FAT2: variants seen among roughly 807,000 people sequenced by gnomAD.
FAT2 encodes protocadherin Fat 2.
A neutral mutation model predicts 295.3 loss-of-function variants in FAT2; 150 were observed. The ratio of observed to expected loss-of-function variants is 0.51; its 90% CI spans 0.44 to 0.58. The LOEUF is 0.58. FAT2 is among the 20% of genes least tolerant of loss of function. FAT2 has a pLI of 0.00. For synonymous variants in FAT2, 2,026 were observed against 2,150.3 expected, an observed-to-expected ratio of 0.94 and a Z score of 1.60; for missense variants, 4,868 against 5,442.7, an observed-to-expected ratio of 0.89 and a Z score of 3.32.
In FAT2 at chr5:151,544,473, A is replaced by G. The variant is rs767637961; in HGVS notation, c.6654T>C (p.Thr2218=). ...VEEEPLMLFT[T]DFKTGVLTVT... ...CTGTTAGGACACCAGTCTTGAAGTC[A>G]GTGGTGAACAGCATCAAGGGTTCTT... The change falls in exon 10 of 24, where the codon ACT becomes ACC. Residue 2218 remains threonine (T), a synonymous_variant. Transcript: ENST00000261800. 42 of 1,614,150 alleles carry G rather than the reference A, an allele frequency of 2.6e-5. No individual in the cohort carries two copies. The highest frequency in any genetic ancestry group is 3.4e-5 in the Non-Finnish European group (40 of 1,180,030).
In FAT2 at chr5:151,521,464, A is replaced by G; in HGVS notation, c.11129T>C (p.Met3710Thr). 6.2e-7 allele frequency: 1 copy of G among 1,614,190 alleles called. No individual in the cohort carries two copies. The highest frequency in any genetic ancestry group is 8.5e-7 in the Non-Finnish European group (1 of 1,180,030). The change falls in exon 19 of 24, where the codon ATG becomes ACG. Residue 3710 changes from methionine to threonine, a missense_variant. Coordinates refer to ENST00000261800, the MANE Select transcript of FAT2 (RefSeq NM_001447.3). ...ASIITHSAKEMEHSVGVQMRS... is the reference protein window; with the variant it reads ...ASIITHSAKETEHSVGVQMRS... The stretch of plus-strand genomic sequence containing the variant: ...CATCTGAACCCCCACTGAATGCTCC[A>G]TCTCCTTGGCTGAGTGAGTGATGAT...
At chr5:151,521,250 G>C (rs74767229) in intron 19 of FAT2, 26 bp downstream of exon 19, 5 of 1,569,804 alleles carry the variant, frequency 3.2e-6, no homozygotes, top group Admixed American at 1.7e-5. Context: ...AGTGCTGCTC[G>C]TCCCTAGGGA....
upstream of FAT2, among the ~76,000 whole-genome samples, chr5:151,594,652 G>A (rs1001832725): frequency 1.3e-5 from 2 of 152,172 alleles, no homozygotes; most frequent in Non-Finnish European, 1.5e-5. Flanking sequence ...TTTGCCTGGG[G>A]AAAGCTGTCT....
In FAT2 at chr5:151,570,498, C is replaced by T. The variant is rs139703568; in HGVS notation, c.-20-1547G>A. ...TTGAACTGATCATGAATAAATGCTT[C>T]GCCTCTCTTAGACCCTTGCTGTTTC... On this transcript the variant is annotated intron_variant, in intron 1 of 23. Coordinates refer to ENST00000261800, the MANE Select transcript of FAT2 (RefSeq NM_001447.3). Among the ~76,000 whole-genome samples the T allele has an allele frequency of 3.9e-5, 6 of 152,338 alleles. No individual in the cohort carries two copies. The South Asian group carries it at 6.2e-4, about 16-fold the overall frequency.
chr5:151,528,945 T>A (rs1754304801), intron 15 of FAT2, among the ~76,000 whole-genome samples: 1 of 152,142 alleles, frequency 6.6e-6, no homozygotes, highest in South Asian at 2.1e-4. Context: ...CCCCATTCCA[T>A]TGTCTCTGAT....
rs1757376432 is a variant in FAT2, at chr5:151,553,200, C to T, written c.4133G>A (p.Gly1378Glu). The T allele has an allele frequency of 6.2e-7, 1 of 1,614,124 alleles. No homozygotes were observed. The highest frequency in any genetic ancestry group is 8.5e-7 in the Non-Finnish European group (1 of 1,180,048). Residue 1378 changes from glycine (G) to glutamate (E), a missense_variant, in exon 6 of 24, where the codon GGA (glycine) becomes GAA (glutamate). By Grantham distance (98) the Gly-to-Glu change is moderately conservative. Around this residue, in one of 5 missense-constraint regions of FAT2, gnomAD observed 3,297 missense variants for 3,669.4 expected, o/e 0.90. Transcript: ENST00000261800. ...ACCTGAGATGTTGAACCAGAAGAGT[C>T]CGGGTCTGCCCTCTACGCTGATGAC... Reference protein sequence around the residue: ...VGVISVEGRPGLFWFNISGGD... With the variant: ...VGVISVEGRPELFWFNISGGD...
intron 6 of FAT2, 90 bp from the exon 7 acceptor site, chr5:151,551,696 C>A: frequency 7.1e-7 from 1 of 1,406,932 alleles, no homozygotes. Context: ...GCTCAGAGGA[C>A]ACGGTGGTAA....
At chr5:151,546,896 T>G (rs1358152287) in intron 9 of FAT2, among the ~76,000 whole-genome samples, 1 of 152,098 alleles carries the variant, frequency 6.6e-6, no homozygotes, top group Non-Finnish European at 1.5e-5. Flanking sequence ...AATATAATTT[T>G]TAATAGCTTT....
rs142310498 is a variant in FAT2 at position 151,522,084 on chromosome 5, C to T, written c.10509G>A (p.Ala3503=). The T allele has an allele frequency of 5.7e-4, 901 of 1,578,820 alleles. 3 individuals are homozygous for T. The African/African-American group carries it at 9.6e-3, about 17-fold the overall frequency. ...AQEWYQLQIQ[A]SDSGIPPLSS... ...AGAGGGGAGGGATGCCACTGTCTGA[C>T]GCCTGTGGGCAAAACAAACACTGCT... is the stretch of plus-strand genomic sequence containing the variant. The change falls in exon 19 of 24, where the codon GCG becomes GCA. Residue 3503 remains alanine (A), a splice_region_variant and synonymous_variant. Coordinates refer to ENST00000261800, the MANE Select transcript of FAT2 (RefSeq NM_001447.3).
In FAT2 at chr5:151,527,391, T is replaced by G. The variant is rs1193127291; in HGVS notation, c.10165-14A>C. ...ATAACTAGAGGCCTATTGCAAAATG[T>G]CCAGTGGAGGTTAGCAATGAGGTAG... On this transcript the variant is annotated splice_polypyrimidine_tract_variant and intron_variant, in intron 16 of 23. Transcript: ENST00000261800. 6.3e-6 allele frequency: 10 copies of G among 1,586,358 alleles called. No homozygotes were observed. Among genetic ancestry groups the G allele is most frequent in the Middle Eastern group, 3.4e-4 (2 of 5,902 alleles).
chr5:151,512,745 G>T lies in FAT2; in HGVS notation c.11464-139C>A. The T allele has an allele frequency of 1.3e-6, 1 of 758,900 alleles. No individual in the cohort carries two copies. Among genetic ancestry groups the T allele is most frequent in the Non-Finnish European group, 2.1e-6 (1 of 470,912 alleles). 47.0% of individuals were successfully genotyped at this position (758,900 alleles called of 1,614,324 possible). A position where few individuals can be genotyped will look rare whatever the true frequency, so the allele number is the denominator to read the frequency against. On this transcript the variant is annotated intron_variant, in intron 20 of 23. Transcript: ENST00000261800. This position sits in a 1 kb window ranked among gnomAD's most constrained non-coding sequence, Gnocchi z 4.1. ...TTTGGCTGTTTTAGACATGGCATTT[G>T]CAGAGCATAAAAACCCTCAAAGTGC...
intron 19 of FAT2, among the ~76,000 whole-genome samples, chr5:151,520,509 C>T (rs1267440009): frequency 6.6e-6 from 1 of 152,204 alleles, no homozygotes; most frequent in South Asian, 2.1e-4. Flanking sequence ...CAGAGTGTGG[C>T]GTACAGCAGG....
chr5:151,538,173 C>T (rs6899070), intron 11 of FAT2, among the ~76,000 whole-genome samples: 24,833 of 152,012 alleles, frequency 0.16, 2,346 homozygotes, highest in East Asian at 0.27. Context: ...GCAAGGAAAA[C>T]TGAGGTTTAA....
In FAT2 at chr5:151,542,917, T is replaced by G. The variant is rs770808620; in HGVS notation, c.8210A>C (p.Asp2737Ala). 54 of 1,614,110 alleles carry G rather than the reference T, an allele frequency of 3.3e-5. No individual in the cohort carries two copies. The South Asian group carries it at 5.8e-4, about 17-fold the overall frequency. Residue 2737 changes from aspartate (D) to alanine (A), a missense_variant, in exon 10 of 24, where the codon GAT becomes GCT. Around this residue, in one of 5 missense-constraint regions of FAT2, gnomAD observed 3,297 missense variants for 3,669.4 expected, o/e 0.90. Transcript: ENST00000261800. ...VRGTTPESNK[D>A]GVFSLDPDTG... ...GTCTGGGTCTAGGGAGAAGACACCA[T>G]CCTTGTTGCTCTCAGGTGTAGTGCC...
At position 151,550,605 on chromosome 5, in the gene FAT2, G is replaced by C; in HGVS notation, c.4563C>G (p.His1521Gln). The change falls in exon 8 of 24, where the codon CAC becomes CAG. Residue 1521 changes from histidine to glutamine, a missense_variant. Transcript: ENST00000261800. ...KLDLGSGPSQHTLTVMVRDQE... is the reference protein window; with the variant it reads ...KLDLGSGPSQQTLTVMVRDQE... ...ATTTACTCACCATGACTGTCAGTGT[G>C]TGCTGGGAGGGCCCCGAGCCGAGGT... The C allele has an allele frequency of 6.2e-7, 1 of 1,614,102 alleles. No homozygotes were observed. The highest frequency in any genetic ancestry group is 8.5e-7 in the Non-Finnish European group (1 of 1,180,002).
At chr5:151,565,215 T>C (rs1758192384) in intron 2 of FAT2, among the ~76,000 whole-genome samples, 1 of 152,174 alleles carries the variant, frequency 6.6e-6, no homozygotes, top group Admixed American at 6.5e-5. Context: ...CTTGATATTA[T>C]ATGACATGAA....
rs1044819744 is a variant in FAT2, at chr5:151,505,150, A to G, written c.*415T>C. ...CGTAGTGGTTGTCTGTCAGGCACCA[A>G]CCTGCCTGCCTCCAAAATGGAGCTG... On this transcript the variant is annotated 3_prime_UTR_variant, in exon 24 of 24. Transcript: ENST00000261800. The G allele has an allele frequency of 3.6e-5, 10 of 278,094 alleles. No homozygotes were observed. Among genetic ancestry groups the G allele is most frequent in the African/African-American group, 4.6e-5 (2 of 43,682 alleles). The allele number at this position is 278,094 out of a possible 1,614,324, so 17.2% of individuals were successfully genotyped here.
At chr5:151,509,818 G>A in intron 22 of FAT2, 1 of 591,340 alleles carries the variant, frequency 1.7e-6, no homozygotes, top group East Asian at 2.6e-5. Flanking sequence ...TCTCCTGCCT[G>A]GTCCGTGGAA....
rs778941556 is a variant in FAT2 at position 151,566,045 on chromosome 5, C to T, written c.2887G>A (p.Val963Ile). 8.7e-6 allele frequency: 14 copies of T among 1,614,046 alleles called. No individual in the cohort carries two copies. The highest frequency in any genetic ancestry group is 5.3e-5 in the African/African-American group (4 of 74,920). Residue 963 changes from valine to isoleucine, a missense_variant, in exon 2 of 24, where the codon GTT becomes ATT. Around this residue, in one of 5 missense-constraint regions of FAT2, gnomAD observed 3,297 missense variants for 3,669.4 expected, o/e 0.90. Transcript: ENST00000261800. Reference protein sequence around the residue: ...DLGPAGEVRYVLMDGAHGTFR... With the variant: ...DLGPAGEVRYILMDGAHGTFR... ...GTCCCATGGGCGCCATCCATCAGAA[C>T]ATATCGCACTTCACCTGCGGGGCCC...
Sources: gnomAD v4.1 joint callset for allele counts (sites outside exome capture counted in the v4.1 genomes callset) on GRCh38, gnomAD v4.1.1 for gene constraint, gnomAD v4.1.1 regional missense constraint, Gnocchi (gnomAD v3.1) non-coding constraint, MANE v1.5 for transcripts, NCBI Gene and HGNC (gene_info 2026-07-23, HGNC 2026-07-21) for gene names.